GALNT2: variants seen among roughly 807,000 people sequenced by gnomAD.
GALNT2 encodes UDP-GalNAc:polypeptide N-acetylgalactosaminyltransferase 2.
In GALNT2, 31 loss-of-function variants were observed where a neutral mutation model predicts 81.4. The ratio of observed to expected loss-of-function variants is 0.38; its 90% confidence interval spans 0.29 to 0.51. The LOEUF (loss-of-function observed/expected upper bound fraction) is 0.51, where lower values mean the gene tolerates loss of function less well. GALNT2 is among the 20% of genes least tolerant of loss of function. GALNT2 has a pLI of 0.87. For synonymous variants in GALNT2, 303 were observed against 287.4 expected (o/e 1.05, Z -0.55); for missense variants, 629 against 765.7 (o/e 0.82, Z 2.11).
intron 3 of GALNT2, among the ~76,000 whole-genome samples, chr1:230,218,139 CAG>C (rs1482374055): frequency 4.6e-5 from 7 of 152,178 alleles, no homozygotes; most frequent in Admixed American, 4.6e-4. Context: ...TGGCTAAGAA[CAG>C]GGGACTAACA....
intron 1 of GALNT2, among the ~76,000 whole-genome samples, chr1:230,171,471 C>T (rs185258139): frequency 6.6e-6 from 1 of 152,292 alleles, no homozygotes; most frequent in African/African-American, 2.4e-5. Flanking sequence ...AACTAGACAA[C>T]TGATTAGAAG....
At chr1:230,247,043 C>T (rs1208406640) in intron 8 of GALNT2, among the ~76,000 whole-genome samples, 1 of 150,612 alleles carries the variant, frequency 6.6e-6, no homozygotes, top group African/African-American at 2.4e-5. Flanking sequence ...AGTTCAAGAC[C>T]AGCCTGGGCA....
intron 1 of GALNT2, among the ~76,000 whole-genome samples, chr1:230,160,726 C>A (rs562277990): frequency 6.8e-5 from 10 of 147,756 alleles, no homozygotes; most frequent in South Asian, 6.4e-4. Flanking sequence ...AAAAAAAACA[C>A]GAAACTTTCA....
At chr1:230,269,699 A>G (rs910549731) in intron 14 of GALNT2, among the ~76,000 whole-genome samples, 3 of 151,606 alleles carry the variant, frequency 2.0e-5, no homozygotes, top group African/African-American at 7.3e-5. Context: ...GTTCAAGACC[A>G]GGCTGGACAA....
chr1:230,175,864 C>T (rs1242224431), intron 1 of GALNT2, among the ~76,000 whole-genome samples: 1 of 151,790 alleles, frequency 6.6e-6, no homozygotes, highest in African/African-American at 2.4e-5. Context: ...TAGTTTAAAT[C>T]GAGCCCTAGC....
chr1:230,189,957 G>A (rs1480084250), intron 2 of GALNT2, among the ~76,000 whole-genome samples: 1 of 152,150 alleles, frequency 6.6e-6, no homozygotes, highest in African/African-American at 2.4e-5. Context: ...CATGTTGTGG[G>A]TCAGAATTCC....
Position 230,236,220 on chromosome 1 carries a change from C to T in GALNT2, c.473+108C>T, listed in dbSNP as rs946029924. ...GGGGGCTGCAGACAGGGTCTCCTGACTGCTCAGCACAGGGTGCAGTGTGTA... is the reference window on the plus strand; with the variant it reads ...GGGGGCTGCAGACAGGGTCTCCTGATTGCTCAGCACAGGGTGCAGTGTGTA... On this transcript the variant is annotated intron_variant, in intron 4 of 15. Transcript: ENST00000366672. 4 of 1,359,156 alleles carry T rather than the reference C, an allele frequency of 2.9e-6. No individual in the cohort carries two copies. In the African/African-American group the frequency reaches 4.3e-5, roughly 15 times the overall value. 84.2% of individuals were successfully genotyped at this position (1,359,156 alleles called of 1,614,324 possible). A position where few individuals can be genotyped will look rare whatever the true frequency, so the allele number is the denominator to read the frequency against.
intron 3 of GALNT2, among the ~76,000 whole-genome samples, chr1:230,233,141 G>A (rs1210922677): frequency 6.6e-6 from 1 of 152,202 alleles, no homozygotes; most frequent in Non-Finnish European, 1.5e-5. Flanking sequence ...TTGTTTGGCA[G>A]CTGCTAGACC....
At chr1:230,270,249 T>C (rs1666133405) in intron 14 of GALNT2, among the ~76,000 whole-genome samples, 1 of 152,066 alleles carries the variant, frequency 6.6e-6, no homozygotes, top group African/African-American at 2.4e-5. Flanking sequence ...GGAGCAAGCG[T>C]TTTCTAGTGG....
intron 6 of GALNT2, among the ~76,000 whole-genome samples, chr1:230,236,935 T>G (rs1237843310): frequency 6.6e-6 from 1 of 152,244 alleles, no homozygotes; most frequent in Non-Finnish European, 1.5e-5. Context: ...TAGAGCAGGA[T>G]CAAATTACAT....
chr1:230,183,976 CAAA>C (rs202173898), intron 2 of GALNT2, among the ~76,000 whole-genome samples: 1 of 135,554 alleles, frequency 7.4e-6, no homozygotes, highest in Admixed American at 7.4e-5. Context: ...GACTACAACT[CAAA>C]AAAAAAAAAG....
intron 3 of GALNT2, among the ~76,000 whole-genome samples, chr1:230,231,899 G>C (rs893514127): frequency 1.3e-5 from 2 of 152,104 alleles, no homozygotes; most frequent in African/African-American, 4.8e-5. Flanking sequence ...AGCCTGCGTC[G>C]TCTGGTAGAA....
At chr1:230,139,562 A>G (rs538722236) in intron 1 of GALNT2, among the ~76,000 whole-genome samples, 1 of 152,238 alleles carries the variant, frequency 6.6e-6, no homozygotes, top group Non-Finnish European at 1.5e-5. Flanking sequence ...GAGCCACTGT[A>G]AGCCTATCAG....
intron 2 of GALNT2, among the ~76,000 whole-genome samples, chr1:230,200,426 G>C (rs112530344): frequency 2.7e-4 from 41 of 152,262 alleles, no homozygotes; most frequent in African/African-American, 9.4e-4. Context: ...TCCACAGCAT[G>C]GGTCACGGGC....
In GALNT2 at chr1:230,279,273, C is replaced by T. The variant is rs191893526; in HGVS notation, c.1561-30C>T. On this transcript the variant is annotated intron_variant, in intron 15 of 15. Transcript: ENST00000366672. The surrounding 1 kb of genome is among the most constrained non-coding windows in gnomAD (Gnocchi z 4.6). Reference sequence around the variant, plus strand: ...GTTTGTACTCCTTTGCTTGTGCCCACACTCTAAGGCACTCTCCTGTGTCTT... The same window carrying T: ...GTTTGTACTCCTTTGCTTGTGCCCATACTCTAAGGCACTCTCCTGTGTCTT... 9.3e-5 allele frequency: 149 copies of T among 1,596,418 alleles called. No individual in the cohort carries two copies. In the East Asian group the frequency reaches 2.4e-3, roughly 26 times the overall value.
chr1:230,159,894 T>C (rs1312786941), intron 1 of GALNT2, among the ~76,000 whole-genome samples: 2 of 152,186 alleles, frequency 1.3e-5, no homozygotes, highest in Non-Finnish European at 2.9e-5. Flanking sequence ...TTGCTAGAGC[T>C]TTGTTCCTAC....
chr1:230,162,288 AC>A (rs1662459963), intron 1 of GALNT2, among the ~76,000 whole-genome samples: 1 of 152,130 alleles, frequency 6.6e-6, no homozygotes, highest in Admixed American at 6.5e-5. Flanking sequence ...GTATCTGATC[AC>A]CTACCATATT....
At chr1:230,148,527 T>C (rs79518909) in intron 1 of GALNT2, among the ~76,000 whole-genome samples, 1,566 of 152,356 alleles carry the variant, frequency 0.01, 27 homozygotes, top group African/African-American at 0.036. Context: ...TCACTCGCCT[T>C]CCGGAGTTAA....
intron 1 of GALNT2, among the ~76,000 whole-genome samples, chr1:230,105,487 C>G (rs1223590892): frequency 6.6e-6 from 1 of 152,118 alleles, no homozygotes; most frequent in Non-Finnish European, 1.5e-5. Context: ...TCGTGTTTTT[C>G]TTCCTGAGTG....
Sources: allele counts gnomAD v4.1 joint callset (sites outside exome capture counted in the v4.1 genomes callset), GRCh38; gene constraint gnomAD v4.1.1; non-coding constraint Gnocchi (gnomAD v3.1); transcripts MANE v1.5; gene names NCBI Gene and HGNC (gene_info 2026-07-23, HGNC 2026-07-21).